Variants in MYO1D observed in about 807,000 individuals in gnomAD.
MYO1D encodes myosin ID, also known as unconventional myosin-Id.
In MYO1D, 83 loss-of-function variants were observed where a neutral mutation model predicts 122.0. The observed-to-expected ratio is 0.68, with a 90% CI of 0.57 to 0.82. MYO1D has a LOEUF of 0.82. MYO1D is among the 40% of genes least tolerant of loss of function. The probability of loss-of-function intolerance (pLI) is 0.00; values close to 1 mark genes in which losing one functional copy is unlikely to be tolerated. For missense variants in MYO1D, 1,157 were observed against 1,269.5 expected, an observed-to-expected ratio of 0.91 and a Z score of 1.35; for synonymous variants, 464 against 446.9, an observed-to-expected ratio of 1.04 and a Z score of -0.48.
At chr17:32,676,674 G>A (rs549824475) in intron 16 of MYO1D, among the ~76,000 whole-genome samples, 9 of 152,220 alleles carry the variant, frequency 5.9e-5, no homozygotes, top group Admixed American at 4.6e-4. Flanking sequence ...GACTTAGAAG[G>A]AAGACGACCC....
intron 15 of MYO1D, among the ~76,000 whole-genome samples, chr17:32,712,525 T>C (rs1203655943): frequency 6.6e-6 from 1 of 152,150 alleles, no homozygotes; most frequent in Non-Finnish European, 1.5e-5. Flanking sequence ...GGCTCTGTCA[T>C]GGGTCCTGCT....
chr17:32,500,983 T>C (rs1050218128), intron 21 of MYO1D, among the ~76,000 whole-genome samples: 1 of 146,250 alleles, frequency 6.8e-6, no homozygotes, highest in African/African-American at 2.6e-5. Context: ...CACTCCAGCA[T>C]GGGTGACAGA....
At chr17:32,697,352 G>A (rs944570771) in intron 16 of MYO1D, among the ~76,000 whole-genome samples, 7 of 152,148 alleles carry the variant, frequency 4.6e-5, no homozygotes, top group South Asian at 2.1e-4. Flanking sequence ...GGAAAAATAC[G>A]GAGTCAATGG....
At chr17:32,736,440 G>A (rs2089701863) in intron 14 of MYO1D, among the ~76,000 whole-genome samples, 2 of 152,214 alleles carry the variant, frequency 1.3e-5, no homozygotes, top group East Asian at 1.9e-4. Flanking sequence ...GGACCAGGAG[G>A]TTGGGTGCCA....
chr17:32,764,470 A>G (rs1249282488), intron 8 of MYO1D, among the ~76,000 whole-genome samples: 6 of 152,228 alleles, frequency 3.9e-5, no homozygotes, highest in Non-Finnish European at 7.3e-5. Context: ...GAGGTATGCT[A>G]ATTAGTCTGA....
chr17:32,601,556 T>C (rs1352919489), intron 21 of MYO1D, among the ~76,000 whole-genome samples: 1 of 152,202 alleles, frequency 6.6e-6, no homozygotes, highest in Non-Finnish European at 1.5e-5. Flanking sequence ...TGAAATATTA[T>C]GAGAATTATC....
chr17:32,540,481 C>A (rs1910804686), intron 21 of MYO1D, among the ~76,000 whole-genome samples: 1 of 151,836 alleles, frequency 6.6e-6, no homozygotes, highest in Non-Finnish European at 1.5e-5. Flanking sequence ...GAAAAGTAGA[C>A]AAAGGATCTA....
chr17:32,494,982 A>C (rs773566418), intron 21 of MYO1D, 67 bp from the exon 22 acceptor site: 1 of 1,478,814 alleles, frequency 6.8e-7, no homozygotes, highest in Non-Finnish European at 9.1e-7. Flanking sequence ...CCTGCCCGGC[A>C]GCTCCCGGCC....
intron 20 of MYO1D, among the ~76,000 whole-genome samples, chr17:32,607,637 T>C (rs11868639): frequency 1.3e-5 from 2 of 151,970 alleles, no homozygotes; most frequent in South Asian, 4.1e-4. Flanking sequence ...CCCAGCAAGA[T>C]TTTTTGTAGG....
At chr17:32,790,246 C>T (rs962489576) in intron 1 of MYO1D, among the ~76,000 whole-genome samples, 3 of 152,172 alleles carry the variant, frequency 2.0e-5, no homozygotes, top group Non-Finnish European at 4.4e-5. Flanking sequence ...CATTCCTAGC[C>T]TTAAATCTTT....
At chr17:32,827,654 C>T (rs899629876) in intron 1 of MYO1D, among the ~76,000 whole-genome samples, 1 of 152,008 alleles carries the variant, frequency 6.6e-6, no homozygotes, top group Non-Finnish European at 1.5e-5. Context: ...AACCTCCAAT[C>T]GATTCAACTG....
intron 1 of MYO1D, among the ~76,000 whole-genome samples, chr17:32,843,930 C>T (rs1471011160): frequency 6.6e-6 from 1 of 151,908 alleles, no homozygotes; most frequent in East Asian, 1.9e-4. Flanking sequence ...ATACATTTGA[C>T]TTCTTGACTT....
intron 16 of MYO1D, among the ~76,000 whole-genome samples, chr17:32,703,864 A>G (rs1384617995): frequency 2.6e-5 from 4 of 152,234 alleles, no homozygotes; most frequent in Admixed American, 1.3e-4. Context: ...CATGCAACAA[A>G]TAAGTGTCCT....
At chr17:32,517,367 T>C (rs1429882083) in intron 21 of MYO1D, among the ~76,000 whole-genome samples, 3 of 152,258 alleles carry the variant, frequency 2.0e-5, no homozygotes, top group Non-Finnish European at 4.4e-5. Context: ...CCTCTTTGTC[T>C]AGCCTCAAGT....
chr17:32,662,478 T>C (rs550258626), intron 16 of MYO1D, among the ~76,000 whole-genome samples: 3 of 152,144 alleles, frequency 2.0e-5, no homozygotes, highest in South Asian at 2.1e-4. Context: ...CCAGACCAGC[T>C]TGGCCAACAT....
At chr17:32,649,826 C>T (rs951859341) in intron 19 of MYO1D, among the ~76,000 whole-genome samples, 8 of 152,274 alleles carry the variant, frequency 5.3e-5, no homozygotes, top group Admixed American at 3.3e-4. Flanking sequence ...CCCGCCTCAG[C>T]CTCCCAAAGT....
At chr17:32,787,408 AC>A (rs138989519) in intron 1 of MYO1D, among the ~76,000 whole-genome samples, 5,347 of 150,692 alleles carry the variant, frequency 0.035, 303 homozygotes, top group African/African-American at 0.12. Flanking sequence ...TGTACACCGT[AC>A]CAGGTATGTA....
intron 21 of MYO1D, among the ~76,000 whole-genome samples, chr17:32,495,224 T>C (rs1909049247): frequency 1.3e-5 from 2 of 152,348 alleles, no homozygotes; most frequent in South Asian, 4.1e-4. Flanking sequence ...ACCAAGCCCC[T>C]GGGTCCTTCG....
intron 21 of MYO1D, among the ~76,000 whole-genome samples, chr17:32,581,982 C>T (rs1262014832): frequency 6.6e-6 from 1 of 152,156 alleles, no homozygotes; most frequent in Non-Finnish European, 1.5e-5. Context: ...CCAGGCTGGT[C>T]TTGAACTCCT....
Sources: allele counts gnomAD v4.1 joint callset (sites outside exome capture counted in the v4.1 genomes callset), GRCh38; gene constraint gnomAD v4.1.1; transcripts MANE v1.5; gene names NCBI Gene and HGNC (gene_info 2026-07-23, HGNC 2026-07-21).